SMIM36: variants seen among roughly 807,000 people sequenced by gnomAD.
SMIM36 encodes the protein small integral membrane protein 36.
Position 55,502,945 on chromosome 17 carries a change from G to A in SMIM36, c.*174+7934C>T, listed in dbSNP as rs540299636. On this transcript the variant is annotated intron_variant, in intron 1 of 4. Transcript: ENST00000636752. ...GAAGAATGCAGAAGCCTCAGGAGCC[G>A]ATGCGATCAACTGGAAGAAAGGGTG... Among the ~76,000 whole-genome samples, 613 of 150,714 alleles carry A rather than the reference G, an allele frequency of 4.1e-3. 4 individuals are homozygous for A. The highest frequency in any genetic ancestry group is 0.014 in the African/African-American group (587 of 40,552).
intron 1 of SMIM36, among the ~76,000 whole-genome samples, chr17:55,490,752 A>G (rs1909687759): frequency 6.6e-6 from 1 of 152,216 alleles, no homozygotes. Context: ...TATTTTATTT[A>G]TAAAGTGAGA....
chr17:55,492,123 C>A (rs1909716859), intron 1 of SMIM36, among the ~76,000 whole-genome samples: 2 of 149,758 alleles, frequency 1.3e-5, no homozygotes, highest in Admixed American at 1.3e-4. Flanking sequence ...GCTGTCACTG[C>A]ACTCCAGCCT....
intron 2 of SMIM36, among the ~76,000 whole-genome samples, chr17:55,479,228 A>G (rs1909478818): frequency 6.6e-6 from 1 of 152,238 alleles, no homozygotes; most frequent in Admixed American, 6.5e-5. Flanking sequence ...TGTATCCTCC[A>G]TAGCATTGCT....
chr17:55,459,717 TTGGCTGGGCA>T (rs1909101620), intron 4 of SMIM36, among the ~76,000 whole-genome samples: 1 of 152,234 alleles, frequency 6.6e-6, no homozygotes, highest in African/African-American at 2.4e-5. Context: ...AAATGATTTC[TTGGCTGGGCA>T]TGGTCACAAC....
intron 4 of SMIM36, among the ~76,000 whole-genome samples, chr17:55,461,455 G>C (rs1909147454): frequency 6.6e-6 from 1 of 152,160 alleles, no homozygotes; most frequent in Admixed American, 6.5e-5. Context: ...ACAGAAATCA[G>C]ATCAGTGATT....
At chr17:55,496,709 T>G (rs1010543) in intron 1 of SMIM36, among the ~76,000 whole-genome samples, 39,732 of 151,946 alleles carry the variant, frequency 0.26, 8,222 homozygotes, top group African/African-American at 0.53. Context: ...TTATGTTATT[T>G]TGCATTCCCC....
At chr17:55,487,334 T>C (rs1216266870) in intron 1 of SMIM36, among the ~76,000 whole-genome samples, 1 of 152,194 alleles carries the variant, frequency 6.6e-6, no homozygotes, top group Non-Finnish European at 1.5e-5. Context: ...ACATGTACCC[T>C]ATAACTTAGA....
intron 3 of SMIM36, among the ~76,000 whole-genome samples, chr17:55,475,122 C>A (rs1431504227): frequency 1.3e-5 from 2 of 152,208 alleles, no homozygotes; most frequent in Non-Finnish European, 2.9e-5. Context: ...TTGGACTGCA[C>A]CCCAAAAACT....
At chr17:55,498,956 G>A (rs1226572052) in intron 1 of SMIM36, among the ~76,000 whole-genome samples, 1 of 139,166 alleles carries the variant, frequency 7.2e-6, no homozygotes, top group Non-Finnish European at 1.5e-5. Flanking sequence ...CCGAGATCTG[G>A]CTGCTGCACT....
chr17:55,531,473 G>A, the SMIM36 span, among the ~76,000 whole-genome samples: 1 of 152,044 alleles, frequency 6.6e-6, no homozygotes. Flanking sequence ...GTGACCATTT[G>A]TTATTCCTAC....
At chr17:55,456,142 A>G (rs962322860) in intron 4 of SMIM36, among the ~76,000 whole-genome samples, 1 of 151,132 alleles carries the variant, frequency 6.6e-6, no homozygotes, top group Non-Finnish European at 1.5e-5. Flanking sequence ...AAAAAAAAAA[A>G]AAAGGATCAT....
intron 4 of SMIM36, among the ~76,000 whole-genome samples, chr17:55,462,136 A>G (rs1909157038): frequency 6.6e-6 from 1 of 152,200 alleles, no homozygotes. Context: ...TTGGTTTTAG[A>G]TGGATAGACT....
intron 4 of SMIM36, chr17:55,458,229 T>G (rs1433563477): frequency 1.3e-5 from 2 of 152,198 alleles, no homozygotes; most frequent in Non-Finnish European, 2.9e-5. Context: ...ACTCACTTTC[T>G]CCAATTGTTC....
the SMIM36 span, among the ~76,000 whole-genome samples, chr17:55,529,994 A>G: frequency 2.0e-5 from 3 of 152,232 alleles, no homozygotes; most frequent in African/African-American, 7.2e-5. Flanking sequence ...ATGCAAATAC[A>G]TCCCTTTGGG....
rs200386799 is a variant in SMIM36 at position 55,452,142 on chromosome 17, G to GC, written c.*532-1845dup. ...AAAAAAAAGGAAACACTTTTAATAA[G>GC]CCTGGCATATTTGACCCACATATGG... On this transcript the variant is annotated intron_variant, in intron 4 of 4. Coordinates refer to ENST00000636752, the Ensembl canonical transcript of SMIM36. Among the ~76,000 whole-genome samples, 1,179 of 139,596 alleles carry GC rather than the reference G, an allele frequency of 8.4e-3. 18 individuals are homozygous for GC. Among genetic ancestry groups the GC allele is most frequent in the African/African-American group, 0.029 (1,114 of 37,826 alleles). The allele number at this position is 139,596 out of a possible 152,430, so 91.6% of individuals were successfully genotyped here. A position where few individuals can be genotyped will look rare whatever the true frequency, so the allele number is the denominator to read the frequency against.
At chr17:55,462,231 TTAA>T (rs1222236723) in intron 4 of SMIM36, among the ~76,000 whole-genome samples, 10 of 152,176 alleles carry the variant, frequency 6.6e-5, no homozygotes, top group Admixed American at 4.6e-4. Context: ...TTATTAATAC[TTAA>T]TAAGAAGTAT....
intron 3 of SMIM36, among the ~76,000 whole-genome samples, chr17:55,472,133 C>T (rs1423065563): frequency 1.3e-5 from 2 of 152,150 alleles, no homozygotes; most frequent in South Asian, 4.1e-4. Flanking sequence ...ATACACATAG[C>T]ATCTTCCCCC....
intron 1 of SMIM36, among the ~76,000 whole-genome samples, chr17:55,500,810 TAATATATTATATTTTATAA>T (rs1330199426): frequency 0.01 from 640 of 61,268 alleles, 292 homozygotes; most frequent in African/African-American, 0.034. Context: ...TAATATATTA[TAATATATTATATTTTATAA>T]TATATATTAT....
chr17:55,458,476 G>A (rs1024626578), intron 4 of SMIM36: 6 of 152,366 alleles, frequency 3.9e-5, no homozygotes, highest in Admixed American at 2.6e-4. Flanking sequence ...ACCTAGGTGA[G>A]GACAGACATT....
Sources: gnomAD v4.1 joint callset for allele counts (sites outside exome capture counted in the v4.1 genomes callset) on GRCh38, gnomAD v4.1.1 for gene constraint, MANE v1.5 for transcripts, NCBI Gene and HGNC (gene_info 2026-07-23, HGNC 2026-07-21) for gene names.